Variants in NCALD observed in about 807,000 individuals in gnomAD.
NCALD encodes the protein neurocalcin delta.
NCALD carries 10 observed loss-of-function variants against 18.6 expected under a neutral mutation model. The ratio of observed to expected loss-of-function variants is 0.54; its 90% confidence interval spans 0.33 to 0.91. The LOEUF is 0.91. Ranked by LOEUF, NCALD falls within the 40% of genes least tolerant of loss-of-function variation. The pLI is 0.03. For synonymous variants in NCALD, 88 were observed against 87.4 expected, an observed-to-expected ratio of 1.01 and a Z score of -0.04; for missense variants, 184 against 247.6, an observed-to-expected ratio of 0.74 and a Z score of 1.72.
At chr8:101,897,864 CTTGAA>C (rs947627578) in intron 3 of NCALD, among the ~76,000 whole-genome samples, 24 of 152,214 alleles carry the variant, frequency 1.6e-4, no homozygotes, top group Admixed American at 1.2e-3. Flanking sequence ...CAAATCTCAT[CTTGAA>C]TTGTAGTTCC....
chr8:101,892,261 C>T (rs1048683367), intron 3 of NCALD, among the ~76,000 whole-genome samples: 4 of 146,872 alleles, frequency 2.7e-5, no homozygotes, highest in Non-Finnish European at 5.9e-5. Flanking sequence ...ACACTGACAC[C>T]TCACACGGCA....
chr8:101,782,635 T>G (rs926662461), intron 1 of NCALD, among the ~76,000 whole-genome samples: 1 of 152,186 alleles, frequency 6.6e-6, no homozygotes, highest in African/African-American at 2.4e-5. Flanking sequence ...GTGTCCTATT[T>G]CTGTCACTAG....
chr8:101,875,718 G>A (rs1040403357), intron 4 of NCALD, among the ~76,000 whole-genome samples: 1 of 152,172 alleles, frequency 6.6e-6, no homozygotes, highest in Non-Finnish European at 1.5e-5. Flanking sequence ...GGACGTGGAA[G>A]GCACCAAAAA....
At chr8:101,706,726 A>G (rs1815542509) in intron 2 of NCALD, among the ~76,000 whole-genome samples, 1 of 152,236 alleles carries the variant, frequency 6.6e-6, no homozygotes, top group Non-Finnish European at 1.5e-5. Flanking sequence ...ACACCCTATG[A>G]TGACGGAGGC....
intron 1 of NCALD, among the ~76,000 whole-genome samples, chr8:102,082,892 C>T (rs1824599009): frequency 6.6e-6 from 1 of 152,236 alleles, no homozygotes; most frequent in South Asian, 2.1e-4. Flanking sequence ...CCATTCCTAC[C>T]AGGGTTCTGA....
At chr8:101,787,751 A>T (rs990984293) in intron 1 of NCALD, among the ~76,000 whole-genome samples, 3 of 152,196 alleles carry the variant, frequency 2.0e-5, no homozygotes, top group African/African-American at 7.2e-5. Context: ...AATTTCAAAC[A>T]TGCCTCATCC....
intron 2 of NCALD, among the ~76,000 whole-genome samples, chr8:102,004,965 C>T (rs550858220): frequency 6.6e-6 from 1 of 152,292 alleles, no homozygotes; most frequent in East Asian, 1.9e-4. Context: ...AGGACATAGT[C>T]GTGGGCAAGG....
intron 3 of NCALD, among the ~76,000 whole-genome samples, chr8:101,911,853 A>T (rs974246224): frequency 1.3e-5 from 2 of 152,178 alleles, no homozygotes; most frequent in Admixed American, 1.3e-4. Context: ...CATAGACACA[A>T]TGATGACATG....
At chr8:102,048,622 C>T (rs1270246541) in intron 1 of NCALD, among the ~76,000 whole-genome samples, 1 of 152,154 alleles carries the variant, frequency 6.6e-6, no homozygotes, top group African/African-American at 2.4e-5. Context: ...TGCAATTGAG[C>T]TGAATTGCTG....
intron 1 of NCALD, among the ~76,000 whole-genome samples, chr8:102,050,194 A>AAAAAAT (rs1207268297): frequency 1.6e-5 from 2 of 125,526 alleles, no homozygotes; most frequent in Non-Finnish European, 1.8e-5. Context: ...AAAAAAAAAA[A>AAAAAAT]ATTGAGCTGT....
intron 2 of NCALD, among the ~76,000 whole-genome samples, chr8:101,699,079 G>GGA (rs1815136239): frequency 6.7e-6 from 1 of 148,208 alleles, no homozygotes; most frequent in African/African-American, 2.5e-5. Flanking sequence ...AATTTTACAG[G>GGA]AAAAAAAAAA....
chr8:101,693,054 T>C, intron 2 of NCALD, 158 bp from the exon 3 acceptor site: 2 of 545,028 alleles, frequency 3.7e-6, no homozygotes, highest in South Asian at 4.2e-5. Context: ...GAGGCACAGG[T>C]AGAAGAAGCC....
At chr8:102,038,929 T>C (rs1822960986) in intron 1 of NCALD, among the ~76,000 whole-genome samples, 2 of 152,178 alleles carry the variant, frequency 1.3e-5, no homozygotes, top group Non-Finnish European at 1.5e-5. Context: ...CCTGCTGGCC[T>C]GGAAGAAAGC....
intron 2 of NCALD, among the ~76,000 whole-genome samples, chr8:101,972,306 A>G (rs936520763): frequency 3.9e-5 from 6 of 152,198 alleles, no homozygotes; most frequent in Non-Finnish European, 8.8e-5. Context: ...TGGACGGGCC[A>G]CTCATAGGCT....
upstream of NCALD, among the ~76,000 whole-genome samples, chr8:101,792,930 T>C (rs1174765136): frequency 6.6e-6 from 1 of 152,142 alleles, no homozygotes; most frequent in East Asian, 1.9e-4. Flanking sequence ...TTCAGGACTT[T>C]AAATGGATTA....
chr8:101,807,753 A>C (rs1010391407), intron 4 of NCALD, among the ~76,000 whole-genome samples: 9 of 152,080 alleles, frequency 5.9e-5, no homozygotes, highest in African/African-American at 2.2e-4. Context: ...TAAAAATAGC[A>C]CCCTTGCATT....
At chr8:102,104,673 G>A (rs529833145) in intron 1 of NCALD, among the ~76,000 whole-genome samples, 1 of 152,284 alleles carries the variant, frequency 6.6e-6, no homozygotes, top group African/African-American at 2.4e-5. Context: ...CAGTAGCGAT[G>A]TGGGTTGTTT....
intron 1 of NCALD, among the ~76,000 whole-genome samples, chr8:102,073,045 T>G (rs1824228960): frequency 6.6e-6 from 1 of 152,218 alleles, no homozygotes; most frequent in Non-Finnish European, 1.5e-5. Context: ...TGTAGAAAGA[T>G]ATTTTCCACA....
At chr8:102,064,727 A>G (rs1198658225) in intron 1 of NCALD, among the ~76,000 whole-genome samples, 2 of 152,188 alleles carry the variant, frequency 1.3e-5, no homozygotes, top group African/African-American at 4.8e-5. Context: ...TGGTGTTCTA[A>G]TGATATGAAA....
Sources: gnomAD v4.1 joint callset for allele counts (sites outside exome capture counted in the v4.1 genomes callset) on GRCh38, gnomAD v4.1.1 for gene constraint, MANE v1.5 for transcripts, NCBI Gene and HGNC (gene_info 2026-07-23, HGNC 2026-07-21) for gene names.